NTN4: variants seen among roughly 807,000 people sequenced by gnomAD.
The protein encoded by NTN4 is netrin-4.
In NTN4, 32 loss-of-function variants were observed where a neutral mutation model predicts 73.6. That is an observed-to-expected ratio of 0.44 (90% CI 0.33 to 0.58). NTN4 has a LOEUF of 0.58. Among genes scored for constraint, NTN4 ranks in the 20% least tolerant of loss-of-function variants. The pLI is 0.04. For missense variants in NTN4, 654 were observed against 798.3 expected (o/e 0.82, Z 2.18); for synonymous variants, 258 against 287.5 (o/e 0.90, Z 1.04).
At chr12:95,697,232 C>T (rs1041625271) in intron 5 of NTN4, among the ~76,000 whole-genome samples, 2 of 152,148 alleles carry the variant, frequency 1.3e-5, no homozygotes, top group Admixed American at 6.5e-5. Flanking sequence ...ATTCTCCACC[C>T]GTAAGTACCT....
intron 2 of NTN4, among the ~76,000 whole-genome samples, chr12:95,775,975 C>T (rs936569913): frequency 2.6e-5 from 4 of 152,194 alleles, no homozygotes; most frequent in Admixed American, 6.5e-5. Context: ...TCCAGAGGAA[C>T]GATCGGGCAG....
chr12:95,774,573 T>G (rs1415891834), intron 2 of NTN4, among the ~76,000 whole-genome samples: 4 of 152,226 alleles, frequency 2.6e-5, no homozygotes, highest in Admixed American at 2.6e-4. Context: ...TATAAGACTT[T>G]GTTTTATCTT....
At chr12:95,685,543 A>G (rs991731870) in intron 5 of NTN4, among the ~76,000 whole-genome samples, 6 of 152,364 alleles carry the variant, frequency 3.9e-5, no homozygotes, top group African/African-American at 1.4e-4. Flanking sequence ...CAAGGTGCAT[A>G]GCACAGTGTC....
chr12:95,760,219 G>C (rs79118007), intron 2 of NTN4, among the ~76,000 whole-genome samples: 5,983 of 152,142 alleles, frequency 0.039, 311 homozygotes, highest in East Asian at 0.28. Context: ...TTTTCTGAGG[G>C]CTCTACCAGA....
At chr12:95,695,453 C>G (rs758350805) in intron 5 of NTN4, among the ~76,000 whole-genome samples, 22 of 152,102 alleles carry the variant, frequency 1.4e-4, no homozygotes, top group Non-Finnish European at 2.6e-4. Context: ...CAACCTCCAC[C>G]TCCTGGGTTC....
At chr12:95,711,270 C>T (rs1005418243) in intron 4 of NTN4, among the ~76,000 whole-genome samples, 1 of 151,320 alleles carries the variant, frequency 6.6e-6, no homozygotes, top group East Asian at 1.9e-4. Flanking sequence ...GTAGATTTGT[C>T]TAGTTGGGCA....
chr12:95,666,090 G>T, intron 8 of NTN4, 110 bp from the exon 9 acceptor site: 1 of 833,372 alleles, frequency 1.2e-6, no homozygotes, highest in Non-Finnish European at 1.8e-6. Context: ...TGATGATGAG[G>T]ATGTGAAAAT....
intron 5 of NTN4, among the ~76,000 whole-genome samples, chr12:95,705,240 C>A (rs1436988461): frequency 6.6e-6 from 1 of 151,934 alleles, no homozygotes; most frequent in Non-Finnish European, 1.5e-5. Flanking sequence ...ACTTTGGAGC[C>A]TTTGGTCTTC....
Position 95,673,002 on chromosome 12 carries a change from G to A in NTN4, c.1511-2856C>T, listed in dbSNP as rs1047672913. On this transcript the variant is annotated intron_variant, in intron 7 of 9. Coordinates refer to ENST00000343702, the MANE Select transcript of NTN4 (RefSeq NM_021229.4). ...AGCCCATCAGGTGCATGGAGTTCCTGGGGGATGAAGGGACCCTGTGTAAAG... is the reference window on the plus strand; with the variant it reads ...AGCCCATCAGGTGCATGGAGTTCCTAGGGGATGAAGGGACCCTGTGTAAAG... 5.4e-5 allele frequency: 69 copies of A among 1,271,166 alleles called. No homozygotes were observed. The African/African-American group carries it at 9.8e-4, about 18-fold the overall frequency. The allele number at this position is 1,271,166 out of a possible 1,614,324, so 78.7% of individuals were successfully genotyped here.
chr12:95,777,824 C>T (rs1271598838), intron 2 of NTN4, among the ~76,000 whole-genome samples: 3 of 152,206 alleles, frequency 2.0e-5, no homozygotes, highest in African/African-American at 7.2e-5. Context: ...ACCTAATAGA[C>T]ATCTACAGAA....
At chr12:95,768,424 A>C (rs916268820) in intron 2 of NTN4, among the ~76,000 whole-genome samples, 1 of 151,932 alleles carries the variant, frequency 6.6e-6, no homozygotes, top group Admixed American at 6.6e-5. Flanking sequence ...GGGGGAGGGG[A>C]TCAGAAAAGG....
chr12:95,743,825 C>A (rs2078843142), intron 2 of NTN4, among the ~76,000 whole-genome samples: 1 of 152,176 alleles, frequency 6.6e-6, no homozygotes, highest in Non-Finnish European at 1.5e-5. Flanking sequence ...TAATTATCAA[C>A]TTATTTTATT....
intron 2 of NTN4, among the ~76,000 whole-genome samples, chr12:95,772,899 G>A: frequency 6.6e-6 from 1 of 151,600 alleles, no homozygotes; most frequent in East Asian, 1.9e-4. Flanking sequence ...TTCCCTCTTT[G>A]GTCTTTTATT....
At chr12:95,681,996 TATAAGA>T (rs2078319484) in intron 7 of NTN4, among the ~76,000 whole-genome samples, 1 of 151,412 alleles carries the variant, frequency 6.6e-6, no homozygotes, top group South Asian at 2.1e-4. Context: ...AAGCTAGGTT[TATAAGA>T]ATATTTTTCC....
chr12:95,716,413 C>T (rs2078605521), intron 3 of NTN4, among the ~76,000 whole-genome samples: 2 of 152,106 alleles, frequency 1.3e-5, no homozygotes, highest in Admixed American at 1.3e-4. Context: ...GAGGTAGGTT[C>T]AATCCAGATC....
chr12:95,704,275 A>G (rs1196372172), intron 5 of NTN4, among the ~76,000 whole-genome samples: 1 of 152,212 alleles, frequency 6.6e-6, no homozygotes, highest in Non-Finnish European at 1.5e-5. Context: ...TTTGAATAAC[A>G]TTGTACTTGT....
rs148130655 is a variant in NTN4, at chr12:95,735,045, A to G, written c.864+2821T>C. Among the ~76,000 whole-genome samples the G allele has an allele frequency of 1.9e-3, 288 of 152,312 alleles. 4 individuals carry two copies. The Middle Eastern group carries it at 0.027, about 14-fold the overall frequency. On this transcript the variant is annotated intron_variant, in intron 3 of 9. Transcript: ENST00000343702. ...CAAGAGCGAAACTCCATCTCAAAAA[A>G]CAAAACAAAACAAAAACCACATTCA...
rs2078108860 is a variant in NTN4 at position 95,658,446 on chromosome 12, T to C, written c.*640A>G. 1 of 152,658 alleles carries C rather than the reference T, an allele frequency of 6.6e-6. No individual in the cohort carries two copies. Among genetic ancestry groups the C allele is most frequent in the Non-Finnish European group, 1.5e-5 (1 of 68,052 alleles). 9.5% of individuals were successfully genotyped at this position (152,658 alleles called of 1,614,324 possible). A position where few individuals can be genotyped will look rare whatever the true frequency, so the allele number is the denominator to read the frequency against. On this transcript the variant is annotated 3_prime_UTR_variant, in exon 10 of 10. Transcript: ENST00000343702. ...CAGAGTTAAATAGCACAACTTCTTTTATATGGTCACTTTTGTCCACATGTA... is the reference window on the plus strand; with the variant it reads ...CAGAGTTAAATAGCACAACTTCTTTCATATGGTCACTTTTGTCCACATGTA...
chr12:95,713,076 T>G, intron 4 of NTN4, 136 bp downstream of exon 4: 2 of 968,306 alleles, frequency 2.1e-6, no homozygotes, highest in Non-Finnish European at 2.9e-6. Flanking sequence ...CAGTGGGCAG[T>G]GATATGGCTA....
Sources: gnomAD v4.1 joint callset for allele counts (sites outside exome capture counted in the v4.1 genomes callset) on GRCh38, gnomAD v4.1.1 for gene constraint, MANE v1.5 for transcripts, NCBI Gene and HGNC (gene_info 2026-07-23, HGNC 2026-07-21) for gene names.